FOCAD: variants seen among roughly 807,000 people sequenced by gnomAD.
The protein encoded by FOCAD is focadhesin.
In FOCAD, 198 loss-of-function variants were observed where a neutral mutation model predicts 225.6. The observed-to-expected ratio is 0.88, with a 90% confidence interval of 0.78 to 0.99. The LOEUF is 0.99. Ranked by LOEUF, FOCAD falls within the 50% of genes least tolerant of loss-of-function variation. FOCAD has a pLI of 0.00. For synonymous variants in FOCAD, 897 were observed against 755.0 expected, an observed-to-expected ratio of 1.19 and a Z score of -3.08; for missense variants, 2,713 against 2,123.6, an observed-to-expected ratio of 1.28 and a Z score of -5.46.
chr9:20,890,961 C>A (rs1831561964), intron 21 of FOCAD, among the ~76,000 whole-genome samples: 1 of 152,046 alleles, frequency 6.6e-6, no homozygotes, highest in Admixed American at 6.6e-5. Flanking sequence ...AGGTTCGTGG[C>A]AGCCCTGTAT....
chr9:20,929,325 C>A, intron 26 of FOCAD, 33 bp from the exon 27 acceptor site: 3 of 1,567,622 alleles, frequency 1.9e-6, no homozygotes, highest in East Asian at 2.2e-5. Flanking sequence ...ATGTTTAAGG[C>A]TAACCCTGTT....
intron 8 of FOCAD, among the ~76,000 whole-genome samples, chr9:20,774,870 A>T (rs1290939608): frequency 6.6e-6 from 1 of 152,188 alleles, no homozygotes; most frequent in East Asian, 1.9e-4. Context: ...AGAACTGTTG[A>T]AATATTTGTG....
intron 19 of FOCAD, 80 bp from the exon 20 acceptor site, chr9:20,881,791 G>A: frequency 7.2e-7 from 1 of 1,395,318 alleles, no homozygotes; most frequent in Non-Finnish European, 9.9e-7. Context: ...TTAGTTGTTT[G>A]TATATGAGTT....
intron 24 of FOCAD, among the ~76,000 whole-genome samples, chr9:20,920,785 A>G (rs1481945278): frequency 6.0e-5 from 9 of 150,098 alleles, no homozygotes; most frequent in South Asian, 2.1e-4. Context: ...GACACAGGAA[A>G]GGGAACATCA....
intron 5 of FOCAD, among the ~76,000 whole-genome samples, chr9:20,749,521 C>T (rs1385822103): frequency 6.6e-6 from 1 of 152,074 alleles, no homozygotes; most frequent in African/African-American, 2.4e-5. Flanking sequence ...TTAAAATCTG[C>T]AGATTAAAAA....
chr9:20,963,534 A>G (rs1465084165), intron 35 of FOCAD, among the ~76,000 whole-genome samples: 1 of 152,086 alleles, frequency 6.6e-6, no homozygotes, highest in South Asian at 2.1e-4. Context: ...AAAATACTCA[A>G]TCTCTGAGAG....
intron 15 of FOCAD, among the ~76,000 whole-genome samples, chr9:20,847,516 G>A (rs188650325): frequency 3.9e-4 from 58 of 149,990 alleles, no homozygotes; most frequent in Non-Finnish European, 7.7e-4. Context: ...TTTTCCTGGT[G>A]TGTGTTTATG....
At chr9:20,752,972 G>T (rs1448940064) in intron 5 of FOCAD, among the ~76,000 whole-genome samples, 2 of 149,908 alleles carry the variant, frequency 1.3e-5, no homozygotes, top group Admixed American at 6.6e-5. Flanking sequence ...TCTGTTGTTG[G>T]TGTATAAGAA....
chr9:20,665,015 G>A (rs1286459572), intron 2 of FOCAD, among the ~76,000 whole-genome samples: 1 of 152,100 alleles, frequency 6.6e-6, no homozygotes, highest in Non-Finnish European at 1.5e-5. Flanking sequence ...GAATAAGTTG[G>A]TGGTAACATT....
At chr9:20,916,167 GA>G (rs1273128450) in intron 23 of FOCAD, among the ~76,000 whole-genome samples, 1 of 151,842 alleles carries the variant, frequency 6.6e-6, no homozygotes, top group Non-Finnish European at 1.5e-5. Flanking sequence ...TAAAACCTTC[GA>G]ATTTATAAAA....
chr9:20,696,373 T>A (rs1371799121), intron 1 of FOCAD, among the ~76,000 whole-genome samples: 3 of 152,232 alleles, frequency 2.0e-5, no homozygotes, highest in Non-Finnish European at 4.4e-5. Context: ...GATGAGGTGA[T>A]ATGTTTGATT....
At chr9:20,721,701 TAAC>T (rs763905074) in intron 4 of FOCAD, among the ~76,000 whole-genome samples, 5 of 152,028 alleles carry the variant, frequency 3.3e-5, no homozygotes, top group Non-Finnish European at 7.4e-5. Context: ...AATTCCATCT[TAAC>T]AACAACAACA....
At chr9:20,852,992 GA>G (rs879719005) in intron 15 of FOCAD, among the ~76,000 whole-genome samples, 2 of 151,582 alleles carry the variant, frequency 1.3e-5, no homozygotes, top group African/African-American at 2.4e-5. Context: ...GTGACCATTA[GA>G]AAAAAATTTC....
chr9:20,929,658 C>G, intron 27 of FOCAD, 62 bp downstream of exon 27: 1 of 1,311,070 alleles, frequency 7.6e-7, no homozygotes. Context: ...GGATTTTGCA[C>G]CCATATGCAC....
At position 20,926,393 on chromosome 9, in the gene FOCAD, G is replaced by T; in HGVS notation, c.3054G>T (p.Gly1018=). The T allele has an allele frequency of 1.9e-6, 3 of 1,608,938 alleles. No homozygotes were observed. Among genetic ancestry groups the T allele is most frequent in the Admixed American group, 3.3e-5 (2 of 60,000 alleles). Residue 1018 remains glycine, a synonymous_variant, in exon 26 of 44, where the codon GGG becomes GGT. Coordinates refer to ENST00000338382, the MANE Select transcript of FOCAD (RefSeq NM_001375567.1). ...VIVDSHYQPR[G]QLLSWFYYKS... is the part of the protein sequence containing the mutation. ...TGGATAGCCATTACCAACCCAGAGGGCAACTTCTCTCCTGGTTTTATTATG... is the reference window on the plus strand; with the variant it reads ...TGGATAGCCATTACCAACCCAGAGGTCAACTTCTCTCCTGGTTTTATTATG...
chr9:20,916,911 T>C lies in FOCAD; in HGVS notation c.2826T>C (p.Thr942=), dbSNP rs1370877930. 1 of 1,606,246 alleles carries C rather than the reference T, an allele frequency of 6.2e-7. No homozygotes were observed. Among genetic ancestry groups the C allele is most frequent in the Non-Finnish European group, 8.5e-7 (1 of 1,177,448 alleles). The part of the protein sequence containing the change: ...TAWLWVRDML[T]DEITKAAAKE... ...ATTGCAGGGTTAGAGACATGCTGAC[T>C]GATGAGATCACCAAGGCAGCTGCAA... The change falls in exon 24 of 44, where the codon ACT becomes ACC. Residue 942 remains threonine (T), a synonymous_variant. Coordinates refer to ENST00000338382, the MANE Select transcript of FOCAD (RefSeq NM_001375567.1).
In FOCAD at chr9:20,981,655, A is replaced by C. The variant is rs1196657370; in HGVS notation, c.4607A>C (p.Lys1536Thr). Residue 1536 changes from lysine (K) to threonine (T), a missense_variant, in exon 38 of 44, where the codon AAA becomes ACA. By Grantham distance (78) the Lys-to-Thr change is moderately conservative. Coordinates refer to ENST00000338382, the MANE Select transcript of FOCAD (RefSeq NM_001375567.1). ...LWSLLSEATGKIFDLLPNKIR... is the reference protein window; with the variant it reads ...LWSLLSEATGTIFDLLPNKIR... ...AGTCTGCTCTCTGAAGCTACTGGGAAAATTTTTGACCTCCTGCCAAATAAG... is the reference window on the plus strand; with the variant it reads ...AGTCTGCTCTCTGAAGCTACTGGGACAATTTTTGACCTCCTGCCAAATAAG... 2.5e-6 allele frequency: 4 copies of C among 1,611,014 alleles called. No homozygotes were observed.
chr9:20,713,824 G>T (rs1231877533), intron 1 of FOCAD, among the ~76,000 whole-genome samples: 1 of 152,176 alleles, frequency 6.6e-6, no homozygotes, highest in Admixed American at 6.5e-5. Flanking sequence ...ACTCTGTTGT[G>T]AGTATTATGG....
At chr9:20,983,932 C>T (rs1840933469) in intron 39 of FOCAD, among the ~76,000 whole-genome samples, 2 of 152,150 alleles carry the variant, frequency 1.3e-5, no homozygotes, top group Admixed American at 1.3e-4. Flanking sequence ...CCTATTATTA[C>T]ATTCATGTAA....
Sources: allele counts gnomAD v4.1 joint callset (sites outside exome capture counted in the v4.1 genomes callset), GRCh38; gene constraint gnomAD v4.1.1; transcripts MANE v1.5; gene names NCBI Gene and HGNC (gene_info 2026-07-23, HGNC 2026-07-21).